The following TRABD2A variants were observed in gnomAD, a reference collection of about 807,000 sequenced individuals.
TRABD2A encodes the protein TraB domain containing 2A, also known as metalloprotease TIKI1.
In TRABD2A, 43 loss-of-function variants were observed where a neutral mutation model predicts 45.6. The observed-to-expected ratio is 0.94, with a 90% CI of 0.74 to 1.22. The LOEUF is 1.22. TRABD2A is among the 50% of genes most tolerant of loss of function. The probability of loss-of-function intolerance (pLI) is 0.00; values close to 1 mark genes in which losing one functional copy is unlikely to be tolerated. For missense variants in TRABD2A, 642 were observed against 652.4 expected, an observed-to-expected ratio of 0.98 and a Z score of 0.17; for synonymous variants, 269 against 265.0, an observed-to-expected ratio of 1.02 and a Z score of -0.15.
chr2:84,848,789 G>C (rs560264079), intron 2 of TRABD2A, among the ~76,000 whole-genome samples: 3 of 152,078 alleles, frequency 2.0e-5, no homozygotes, highest in African/African-American at 4.8e-5. Flanking sequence ...AGCCAGGCTG[G>C]TCTTGAACTC....
intron 2 of TRABD2A, among the ~76,000 whole-genome samples, chr2:84,853,053 C>CT (rs1448135624): frequency 1.3e-5 from 2 of 151,940 alleles, no homozygotes; most frequent in African/African-American, 4.8e-5. Context: ...TGAATGTGAA[C>CT]TTATTTGGAA....
At chr2:84,862,437 A>C (rs1308651503) in intron 2 of TRABD2A, among the ~76,000 whole-genome samples, 3 of 152,124 alleles carry the variant, frequency 2.0e-5, no homozygotes, top group African/African-American at 7.2e-5. Flanking sequence ...CTAGTTCACC[A>C]GGGCAGGAGG....
At chr2:84,856,487 G>A (rs1682311056) in intron 2 of TRABD2A, among the ~76,000 whole-genome samples, 2 of 152,072 alleles carry the variant, frequency 1.3e-5, no homozygotes, top group South Asian at 2.1e-4. Context: ...TTTTGGCAGA[G>A]GCAGCAGGGA....
At chr2:84,863,012 C>T (rs546038702) in intron 2 of TRABD2A, among the ~76,000 whole-genome samples, 5 of 152,246 alleles carry the variant, frequency 3.3e-5, no homozygotes, top group African/African-American at 9.6e-5. Context: ...TGTGAAGACA[C>T]GGTCCACGTA....
At chr2:84,854,913 T>C (rs144413459) in intron 2 of TRABD2A, among the ~76,000 whole-genome samples, 1 of 152,192 alleles carries the variant, frequency 6.6e-6, no homozygotes, top group Non-Finnish European at 1.5e-5. Context: ...TTACAGACCT[T>C]TCTCTCCTAC....
rs934570643 is a variant in TRABD2A at position 84,853,328 on chromosome 2, G to T, written c.670-11321C>A. ...AATTGACTCACGGTTTTGAAGGGCT[G>T]AGGAGGCCTCAGGAAACTTACAACC... On this transcript the variant is annotated intron_variant, in intron 2 of 6. Transcript: ENST00000409520. 7.2e-5 allele frequency among the ~76,000 whole-genome samples: 11 copies of T among 152,278 alleles called. No homozygotes were observed. In the South Asian group the frequency reaches 2.3e-3, roughly 32 times the overall value.
chr2:84,869,973 CAA>C (rs36090318), intron 2 of TRABD2A, among the ~76,000 whole-genome samples: 27 of 76,374 alleles, frequency 3.5e-4, no homozygotes, highest in African/African-American at 3.6e-4. Context: ...GACTCTGTCC[CAA>C]AAAAAAAAAA....
intron 2 of TRABD2A, among the ~76,000 whole-genome samples, chr2:84,869,281 C>G (rs1008608452): frequency 2.6e-5 from 4 of 152,202 alleles, no homozygotes; most frequent in South Asian, 2.1e-4. Flanking sequence ...AACAAGAACA[C>G]TTTATTTCAT....
chr2:84,838,118 A>C (rs1681583064), intron 4 of TRABD2A: 1 of 668,976 alleles, frequency 1.5e-6, no homozygotes, highest in Admixed American at 2.6e-5. Flanking sequence ...AATAGTGATG[A>C]TTCTTTAAGG....
Position 84,838,657 on chromosome 2 carries a change from C to G in TRABD2A, c.991+492G>C, listed in dbSNP as rs115399880. Among the ~76,000 whole-genome samples the G allele has an allele frequency of 5.8e-3, 874 of 151,976 alleles. 13 individuals are homozygous for G. The highest frequency in any genetic ancestry group is 0.02 in the African/African-American group (833 of 41,308). ...AAAGAATTCTGTGTCAGAGTCACTC[C>G]GGGGGAGAGAATTTATTTCAAGAAG... is the stretch of plus-strand genomic sequence containing the variant. On this transcript the variant is annotated intron_variant, in intron 4 of 6. Transcript: ENST00000409520.
intron 1 of TRABD2A, among the ~76,000 whole-genome samples, chr2:84,876,295 C>G (rs915457728): frequency 3.3e-5 from 5 of 152,070 alleles, no homozygotes; most frequent in African/African-American, 1.2e-4. Context: ...AACAGGATGT[C>G]CACAGGAGAA....
At chr2:84,838,250 A>G (rs1451330774) in intron 4 of TRABD2A, 5 of 717,228 alleles carry the variant, frequency 7.0e-6, no homozygotes, top group Non-Finnish European at 1.3e-5. Context: ...AGCTGGGAAA[A>G]GGGAGATAAA....
intron 2 of TRABD2A, among the ~76,000 whole-genome samples, chr2:84,861,129 T>C (rs1002548034): frequency 6.6e-6 from 1 of 152,174 alleles, no homozygotes; most frequent in African/African-American, 2.4e-5. Flanking sequence ...GTGAGGCCAA[T>C]AGGGCTTTAC....
intron 2 of TRABD2A, among the ~76,000 whole-genome samples, chr2:84,865,100 C>G (rs1186503968): frequency 2.0e-5 from 3 of 152,184 alleles, no homozygotes; most frequent in African/African-American, 4.8e-5. Flanking sequence ...GGTGACCGAC[C>G]AAACTAAAGA....
chr2:84,863,905 C>T (rs1033015865), intron 2 of TRABD2A, among the ~76,000 whole-genome samples: 2 of 152,132 alleles, frequency 1.3e-5, no homozygotes, highest in African/African-American at 4.8e-5. Flanking sequence ...TTATTTTAAA[C>T]CAAGACTATC....
intron 2 of TRABD2A, among the ~76,000 whole-genome samples, chr2:84,857,357 T>G (rs1327500499): frequency 6.6e-6 from 1 of 152,198 alleles, no homozygotes; most frequent in Non-Finnish European, 1.5e-5. Flanking sequence ...AAGTTTCCTT[T>G]ACATTTTATA....
In TRABD2A at chr2:84,830,921, A is replaced by T. The variant is rs774414102; in HGVS notation, c.1082+1134T>A. Among the ~76,000 whole-genome samples, 4 of 152,110 alleles carry T rather than the reference A, an allele frequency of 2.6e-5. No individual in the cohort carries two copies. The highest frequency in any genetic ancestry group is 5.9e-5 in the Non-Finnish European group (4 of 68,016). On this transcript the variant is annotated intron_variant, in intron 5 of 6. Transcript: ENST00000409520. The surrounding 1 kb of genome is among the most constrained non-coding windows in gnomAD (Gnocchi z 4.9). ...CCTCTGCCAGGGGATGGGCATTTGC[A>T]TCCTGGAACTCTCTCGCTACAGCTG...
At chr2:84,829,398 AC>A (rs1358913120) in intron 5 of TRABD2A, among the ~76,000 whole-genome samples, 1 of 139,742 alleles carries the variant, frequency 7.2e-6, no homozygotes, top group Non-Finnish European at 1.6e-5. Flanking sequence ...ACACACACAC[AC>A]CACACACACC....
In TRABD2A at chr2:84,841,969, T is replaced by C. The variant is rs2105382314; in HGVS notation, c.708A>G (p.Glu236=). The C allele has an allele frequency of 2.6e-6, 4 of 1,542,362 alleles. No homozygotes were observed. The highest frequency in any genetic ancestry group is 4.9e-5 in the East Asian group (2 of 40,574). The change falls in exon 3 of 7, where the codon GAA becomes GAG. Residue 236 remains glutamate (E), a synonymous_variant. Transcript: ENST00000409520. ...TCTGAAGACTGCCTGCTCGCAGGCT[T>C]TCCTGCTGCAGGAGGGTCTGGTTCA... ...FALNQTLLQQ[E]SLRAGSLQIP...
Sources: allele counts gnomAD v4.1 joint callset (sites outside exome capture counted in the v4.1 genomes callset), GRCh38; gene constraint gnomAD v4.1.1; non-coding constraint Gnocchi (gnomAD v3.1); transcripts MANE v1.5; gene names NCBI Gene and HGNC (gene_info 2026-07-23, HGNC 2026-07-21).